Variants in CSTPP1 observed in about 807,000 individuals in gnomAD.
CSTPP1 encodes centriolar satellite-associated tubulin polyglutamylase complex regulator 1.
the CSTPP1 span, among the ~76,000 whole-genome samples, chr11:47,071,171 A>T: frequency 6.6e-6 from 1 of 152,230 alleles, no homozygotes; most frequent in Non-Finnish European, 1.5e-5. Flanking sequence ...TCTCTTTCAT[A>T]AAATGCCATG....
chr11:47,092,151 C>T, the CSTPP1 span, among the ~76,000 whole-genome samples: 12 of 152,078 alleles, frequency 7.9e-5, no homozygotes, highest in Admixed American at 5.2e-4. Flanking sequence ...ATAACATATT[C>T]GTAAAAGCAT....
the CSTPP1 span, chr11:47,156,874 G>T: frequency 3.4e-5 from 25 of 731,122 alleles, no homozygotes; most frequent in East Asian, 7.2e-4. Flanking sequence ...AAACAAGGTT[G>T]AGAACTTCTG....
the CSTPP1 span, chr11:46,987,402 GAT>G: frequency 1.9e-6 from 2 of 1,063,620 alleles, no homozygotes; most frequent in Admixed American, 3.5e-5. Context: ...GGACAATGCT[GAT>G]TAGGTAGTGG....
At chr11:47,075,170 G>A in the CSTPP1 span, among the ~76,000 whole-genome samples, 1 of 152,116 alleles carries the variant, frequency 6.6e-6, no homozygotes, top group South Asian at 2.1e-4. Flanking sequence ...TCAGGAGTTC[G>A]AGACCAGCTT....
the CSTPP1 span, among the ~76,000 whole-genome samples, chr11:47,091,792 T>G: frequency 1.3e-5 from 2 of 152,018 alleles, no homozygotes; most frequent in Admixed American, 6.6e-5. Context: ...AGCAGGGAAG[T>G]GACATGACAT....
the CSTPP1 span, among the ~76,000 whole-genome samples, chr11:47,038,296 C>T: frequency 5.3e-5 from 6 of 114,002 alleles, no homozygotes; most frequent in Non-Finnish European, 6.4e-5. Context: ...CCCCCACCTC[C>T]CTCCCGGACG....
At chr11:47,129,020 T>G in the CSTPP1 span, among the ~76,000 whole-genome samples, 1 of 152,238 alleles carries the variant, frequency 6.6e-6, no homozygotes, top group Non-Finnish European at 1.5e-5. Context: ...TTGCCTTTAG[T>G]CACCATTAGG....
chr11:47,113,829 C>A, the CSTPP1 span, among the ~76,000 whole-genome samples: 1 of 152,106 alleles, frequency 6.6e-6, no homozygotes, highest in Non-Finnish European at 1.5e-5. Context: ...TTTCTTTTGC[C>A]ATGCATCAGC....
the CSTPP1 span, among the ~76,000 whole-genome samples, chr11:46,975,487 A>G: frequency 6.6e-6 from 1 of 152,314 alleles, no homozygotes; most frequent in East Asian, 1.9e-4. Flanking sequence ...AATGCTAGAA[A>G]TACAGGGGGT....
At chr11:47,018,746 A>G in the CSTPP1 span, among the ~76,000 whole-genome samples, 1 of 152,214 alleles carries the variant, frequency 6.6e-6, no homozygotes, top group Non-Finnish European at 1.5e-5. Flanking sequence ...TCTAATAGGT[A>G]TCTCATTGTG....
At chr11:47,070,613 A>C in the CSTPP1 span, among the ~76,000 whole-genome samples, 1 of 152,156 alleles carries the variant, frequency 6.6e-6, no homozygotes, top group African/African-American at 2.4e-5. Flanking sequence ...TGCTTTTAAA[A>C]AATACTGTTG....
At chr11:47,107,702 A>G in the CSTPP1 span, among the ~76,000 whole-genome samples, 1 of 152,130 alleles carries the variant, frequency 6.6e-6, no homozygotes, top group Non-Finnish European at 1.5e-5. Context: ...CTATTAGAAG[A>G]TTCTCCTAAA....
At chr11:47,028,647 A>G in the CSTPP1 span, among the ~76,000 whole-genome samples, 6 of 152,206 alleles carry the variant, frequency 3.9e-5, no homozygotes, top group African/African-American at 1.2e-4. Context: ...GTTCTGTAAC[A>G]TAGACTAGCT....
At chr11:47,161,209 G>C in the CSTPP1 span, 1 of 1,614,190 alleles carries the variant, frequency 6.2e-7, no homozygotes, top group Non-Finnish European at 8.5e-7. Context: ...CAAGTGGGAG[G>C]ATACTGCCCC....
the CSTPP1 span, among the ~76,000 whole-genome samples, chr11:46,953,609 A>T: frequency 6.6e-6 from 1 of 152,334 alleles, no homozygotes; most frequent in Non-Finnish European, 1.5e-5. Flanking sequence ...CTAAAAAAAA[A>T]TTTATCAACC....
chr11:47,013,052 AAAT>A, the CSTPP1 span, among the ~76,000 whole-genome samples: 9 of 147,256 alleles, frequency 6.1e-5, no homozygotes, highest in East Asian at 3.9e-4. Context: ...GTTATTATAT[AAAT>A]AATAACATAT....
chr11:47,003,502 C>T, the CSTPP1 span, among the ~76,000 whole-genome samples: 129 of 152,316 alleles, frequency 8.5e-4, 2 homozygotes, highest in African/African-American at 2.9e-3. Context: ...TCTCAGCTCC[C>T]GGCCCCCTTG....
At chr11:46,997,423 T>C in the CSTPP1 span, among the ~76,000 whole-genome samples, 1 of 152,236 alleles carries the variant, frequency 6.6e-6, no homozygotes, top group African/African-American at 2.4e-5. Context: ...TTTAAGGTCT[T>C]TTCTACACTG....
the CSTPP1 span, among the ~76,000 whole-genome samples, chr11:47,016,397 C>CAAAAAAA: frequency 2.7e-5 from 2 of 74,684 alleles, no homozygotes; most frequent in Non-Finnish European, 5.5e-5. Context: ...CTACAAAAAA[C>CAAAAAAA]AAAAAACAAA....
Sources: gnomAD v4.1 joint callset for allele counts (sites outside exome capture counted in the v4.1 genomes callset) on GRCh38, gnomAD v4.1.1 for gene constraint, MANE v1.5 for transcripts, NCBI Gene and HGNC (gene_info 2026-07-23, HGNC 2026-07-21) for gene names.